TPI1: variants seen among roughly 807,000 people sequenced by gnomAD.
TPI1 encodes triosephosphate isomerase.
A neutral mutation model predicts 31.0 loss-of-function variants in TPI1; 11 were observed. The ratio of observed to expected loss-of-function variants is 0.36; its 90% CI spans 0.22 to 0.59. The LOEUF (loss-of-function observed/expected upper bound fraction) is 0.59, where lower values mean the gene tolerates loss of function less well. Among genes scored for constraint, TPI1 ranks in the 20% least tolerant of loss-of-function variants. The pLI is 0.79. For missense variants in TPI1, 245 were observed against 319.7 expected (o/e 0.77, Z 1.78); for synonymous variants, 121 against 122.8 (o/e 0.99, Z 0.10).
At position 6,868,908 on chromosome 12, in the gene TPI1, C is replaced by T; in HGVS notation, c.160C>T (p.Gln54Ter). Residue 54 changes from glutamine (Q) to a stop codon, truncating the protein, a stop_gained, in exon 2 of 7, where the codon CAG becomes TAG. Coordinates refer to ENST00000396705, the MANE Select transcript of TPI1 (RefSeq NM_000365.6). LOFTEE classifies it high-confidence loss of function. ...TACTGCCTATATCGACTTCGCCCGGCAGAAGCTAGATCCCAAGATTGCTGT... is the reference window on the plus strand; with the variant it reads ...TACTGCCTATATCGACTTCGCCCGGTAGAAGCTAGATCCCAAGATTGCTGT... ...PPTAYIDFARQKLDPKIAVAA... is the reference protein window; with the variant it reads ...PPTAYIDFAR 1 of 1,614,066 alleles carries T rather than the reference C, an allele frequency of 6.2e-7. No homozygotes were observed. Among genetic ancestry groups the T allele is most frequent in the Non-Finnish European group, 8.5e-7 (1 of 1,179,998 alleles).
Position 6,867,538 on chromosome 12 carries a change from C to G in TPI1, c.-29C>G, listed in dbSNP as rs181882616. On this transcript the variant is annotated 5_prime_UTR_variant, in exon 1 of 7. Transcript: ENST00000396705. The stretch of plus-strand genomic sequence containing the variant: ...CAGTGGCCGCGACTGCGCGCAGACA[C>G]TGACCTTCAGCGCCTCGGCTCCAGC... The G allele has an allele frequency of 8.4e-4, 1,346 of 1,608,602 alleles. 13 individuals are homozygous for G. Among genetic ancestry groups the G allele is most frequent in the South Asian group, 8.2e-3 (742 of 90,518 alleles).
At chr12:6,868,729 CT>C in intron 1 of TPI1, 134 bp from the exon 2 acceptor site, 1 of 1,441,956 alleles carries the variant, frequency 6.9e-7, no homozygotes. Flanking sequence ...GGTCATCTTG[CT>C]GGGGTGAAAA....
chr12:6,869,903 A>C, intron 5 of TPI1, 130 bp downstream of exon 5: 1 of 1,393,966 alleles, frequency 7.2e-7, no homozygotes, highest in Admixed American at 1.8e-5. Flanking sequence ...TGACTTGTCC[A>C]AGGGCATCCA....
intron 1 of TPI1, chr12:6,868,605 G>GA: frequency 7.4e-7 from 1 of 1,358,216 alleles, no homozygotes; most frequent in African/African-American, 1.5e-5. Context: ...GAGGAAATTG[G>GA]AGCCCCAGCT....
Position 6,867,535 on chromosome 12 carries a change from A to T in TPI1, c.-32A>T. On this transcript the variant is annotated 5_prime_UTR_variant, in exon 1 of 7. Transcript: ENST00000396705. ...GGGCAGTGGCCGCGACTGCGCGCAG[A>T]CACTGACCTTCAGCGCCTCGGCTCC... 1 of 1,607,796 alleles carries T rather than the reference A, an allele frequency of 6.2e-7. No individual in the cohort carries two copies. Among genetic ancestry groups the T allele is most frequent in the Non-Finnish European group, 8.5e-7 (1 of 1,177,610 alleles).
chr12:6,870,580 T>C lies in TPI1; in HGVS notation c.*197T>C, dbSNP rs954926769. Reference sequence around the variant, plus strand: ...GGACCAGGCCAATCCCTTCTCCACTTACTATAATGGTTGGAACTAAACGTC... The same window carrying C: ...GGACCAGGCCAATCCCTTCTCCACTCACTATAATGGTTGGAACTAAACGTC... On this transcript the variant is annotated 3_prime_UTR_variant, in exon 7 of 7. Transcript: ENST00000396705. 2 of 748,076 alleles carry C rather than the reference T, an allele frequency of 2.7e-6. No individual in the cohort carries two copies. Among genetic ancestry groups the C allele is most frequent in the African/African-American group, 3.4e-5 (2 of 58,622 alleles). The allele number at this position is 748,076 out of a possible 1,614,324, so 46.3% of individuals were successfully genotyped here.
At chr12:6,869,910 T>G in intron 5 of TPI1, 137 bp downstream of exon 5, 1 of 1,384,670 alleles carries the variant, frequency 7.2e-7, no homozygotes, top group Non-Finnish European at 1.0e-6. Context: ...TCCAAGGGCA[T>G]CCAGTCCAGG....
Position 6,869,260 on chromosome 12 carries a change from G to T in TPI1, c.327G>T (p.Leu109=). ...TCACCAAGTCTGTTTCTCAACAGCT[G>T]ATTGGGCAGAAAGTGGCCCATGCTC... ...RRHVFGESDE[L]IGQKVAHALA... Residue 109 remains leucine, a splice_region_variant and synonymous_variant, in exon 4 of 7, where the codon CTG becomes CTT. Transcript: ENST00000396705. 6.2e-7 allele frequency: 1 copy of T among 1,614,124 alleles called. No homozygotes were observed. Among genetic ancestry groups the T allele is most frequent in the Non-Finnish European group, 8.5e-7 (1 of 1,179,958 alleles).
At chr12:6,868,768 G>C in intron 1 of TPI1, 96 bp from the exon 2 acceptor site, 12 of 1,522,958 alleles carry the variant, frequency 7.9e-6, no homozygotes, top group East Asian at 2.4e-5. Flanking sequence ...AGAAGAAGAG[G>C]GTGAGGGCTG....
chr12:6,869,793 C>G lies in TPI1; in HGVS notation c.543+20C>G. 2 of 1,613,576 alleles carry G rather than the reference C, an allele frequency of 1.2e-6. No homozygotes were observed. The highest frequency in any genetic ancestry group is 1.3e-5 in the African/African-American group (1 of 75,036). ...CAACAGGTAACCGGGCCCAGGAGCC[C>G]TGCCCTCATCCCAGCCTGCCTCAAT... On this transcript the variant is annotated intron_variant, in intron 5 of 6. Coordinates refer to ENST00000396705, the MANE Select transcript of TPI1 (RefSeq NM_000365.6).
rs782470616 is a variant in TPI1 at position 6,867,585 on chromosome 12, T to A, written c.19T>A (p.Phe7Ile). The stretch of plus-strand genomic sequence containing the variant: ...CAGCGCCATGGCGCCCTCCAGGAAG[T>A]TCTTCGTTGGGGGAAACTGGAAGAT... MAPSRK[F>I]FVGGNWKMNG... The change falls in exon 1 of 7, where the codon TTC becomes ATC. Residue 7 changes from phenylalanine (F) to isoleucine (I), a missense_variant. Phe to Ile is a conservative substitution (Grantham distance 21). Around this residue, in one of 3 missense-constraint regions of TPI1, gnomAD observed 95 missense variants for 96.4 expected, o/e 0.99. Coordinates refer to ENST00000396705, the MANE Select transcript of TPI1 (RefSeq NM_000365.6). 1 of 1,612,860 alleles carries A rather than the reference T, an allele frequency of 6.2e-7. No individual in the cohort carries two copies. Among genetic ancestry groups the A allele is most frequent in the African/African-American group, 1.3e-5 (1 of 74,978 alleles).
intron 1 of TPI1, 108 bp from the exon 2 acceptor site, chr12:6,868,756 C>G: frequency 6.6e-7 from 1 of 1,506,188 alleles, no homozygotes; most frequent in Non-Finnish European, 8.9e-7. Context: ...AGAGCAGAAC[C>G]AAGAAGAAGA....
At chr12:6,868,170 T>C in intron 1 of TPI1, 1 of 1,287,910 alleles carries the variant, frequency 7.8e-7, no homozygotes, top group Non-Finnish European at 1.0e-6. Flanking sequence ...GCCCCAGATC[T>C]GACCCCTTCC....
At chr12:6,868,161 C>CT (rs1415414700) in intron 1 of TPI1, 2 of 1,135,356 alleles carry the variant, frequency 1.8e-6, no homozygotes, top group East Asian at 1.6e-4. Flanking sequence ...GCTCCCTGAG[C>CT]CCCAGATCTG....
At chr12:6,869,902 C>T (rs782478486) in intron 5 of TPI1, 129 bp downstream of exon 5, 38 of 1,387,448 alleles carry the variant, frequency 2.7e-5, no homozygotes, top group Non-Finnish European at 3.7e-5. Context: ...GTGACTTGTC[C>T]AAGGGCATCC....
Position 6,867,635 on chromosome 12 carries a change from G to A in TPI1, c.69G>A (p.Gly23=). The A allele has an allele frequency of 1.2e-6, 2 of 1,612,582 alleles. No individual in the cohort carries two copies. The highest frequency in any genetic ancestry group is 1.7e-6 in the Non-Finnish European group (2 of 1,179,612). The part of the protein sequence containing the change: ...WKMNGRKQSL[G]ELIGTLNAAK... ...TGAACGGGCGGAAGCAGAGTCTGGG[G>A]GAGCTCATCGGCACTCTGAACGCGG... is the stretch of plus-strand genomic sequence containing the variant. Residue 23 remains glycine (G), a synonymous_variant, in exon 1 of 7, where the codon GGG becomes GGA. Transcript: ENST00000396705.
chr12:6,868,499 G>C, intron 1 of TPI1: 1 of 1,282,598 alleles, frequency 7.8e-7, no homozygotes, highest in Non-Finnish European at 1.0e-6. Flanking sequence ...TCCTTGCCTT[G>C]CAAAGGGGAG....
chr12:6,868,269 C>T (rs1555131847), intron 1 of TPI1: 1 of 1,287,506 alleles, frequency 7.8e-7, no homozygotes, highest in African/African-American at 1.5e-5. Context: ...AGGAGCCATC[C>T]TACCGCTTTC....
chr12:6,868,991 A>C lies in TPI1; in HGVS notation c.239+4A>C. On this transcript the variant is annotated splice_donor_region_variant and intron_variant, in intron 2 of 6. Coordinates refer to ENST00000396705, the MANE Select transcript of TPI1 (RefSeq NM_000365.6). Reference sequence around the variant, plus strand: ...GGGCTTTTACTGGGGAGATCAGGTGAGATCGAGGTGGAGAGGGGTGTGTGG... The same window carrying C: ...GGGCTTTTACTGGGGAGATCAGGTGCGATCGAGGTGGAGAGGGGTGTGTGG... 4 of 1,613,956 alleles carry C rather than the reference A, an allele frequency of 2.5e-6. No homozygotes were observed. Among genetic ancestry groups the C allele is most frequent in the Middle Eastern group, 3.3e-4 (2 of 6,062 alleles).
Sources: gnomAD v4.1 joint callset for allele counts on GRCh38, gnomAD v4.1.1 for gene constraint, gnomAD v4.1.1 regional missense constraint, MANE v1.5 for transcripts, NCBI Gene and HGNC (gene_info 2026-07-23, HGNC 2026-07-21) for gene names.